The following PMFBP1 variants were observed in gnomAD, a reference collection of about 807,000 sequenced individuals.
PMFBP1 encodes the protein polyamine modulated factor 1 binding protein 1.
In PMFBP1, 131 loss-of-function variants were observed where a neutral mutation model predicts 137.8. The observed-to-expected ratio is 0.95, with a 90% CI of 0.82 to 1.10. The LOEUF (loss-of-function observed/expected upper bound fraction) is 1.10, where lower values mean the gene tolerates loss of function less well. PMFBP1 is among the 50% of genes least tolerant of loss of function. PMFBP1 has a pLI of 0.00. For synonymous variants in PMFBP1, 490 were observed against 450.4 expected (o/e 1.09, Z -1.11); for missense variants, 1,199 against 1,175.4 (o/e 1.02, Z -0.29).
intron 5 of PMFBP1, among the ~76,000 whole-genome samples, chr16:72,143,759 G>A (rs997019481): frequency 6.6e-6 from 1 of 151,114 alleles, no homozygotes; most frequent in Non-Finnish European, 1.5e-5. Context: ...AAAAAAAATT[G>A]GCCGGGTGTG....
At chr16:72,238,039 G>A in the PMFBP1 span, among the ~76,000 whole-genome samples, 1 of 152,290 alleles carries the variant, frequency 6.6e-6, no homozygotes, top group Admixed American at 6.5e-5. Context: ...TGTTTATCCA[G>A]TCTATCATTG....
downstream of PMFBP1, among the ~76,000 whole-genome samples, chr16:72,118,094 G>A (rs566758597): frequency 2.0e-5 from 3 of 152,300 alleles, no homozygotes; most frequent in South Asian, 2.1e-4. Flanking sequence ...TTTGGCCAAC[G>A]TATATGAAAT....
chr16:72,227,163 A>G, the PMFBP1 span, among the ~76,000 whole-genome samples: 2 of 152,204 alleles, frequency 1.3e-5, no homozygotes, highest in Non-Finnish European at 2.9e-5. Context: ...TCCGCATTTA[A>G]TAGGAAAAGA....
intron 14 of PMFBP1, among the ~76,000 whole-genome samples, chr16:72,126,785 T>C (rs1484082390): frequency 3.9e-5 from 6 of 152,246 alleles, no homozygotes; most frequent in Non-Finnish European, 8.8e-5. Context: ...TGAGTATTCA[T>C]GGTATAGTTA....
the PMFBP1 span, among the ~76,000 whole-genome samples, chr16:72,246,696 T>C: frequency 6.6e-6 from 1 of 152,028 alleles, no homozygotes; most frequent in African/African-American, 2.4e-5. Flanking sequence ...GCTCGCTGTA[T>C]AGGATAATGA....
At chr16:72,182,495 CA>C in the PMFBP1 span, among the ~76,000 whole-genome samples, 29,526 of 74,108 alleles carry the variant, frequency 0.4, 2,159 homozygotes, top group South Asian at 0.49. Flanking sequence ...AACTCTGCCT[CA>C]AAAAAAAAAA....
At chr16:72,223,641 A>G in the PMFBP1 span, among the ~76,000 whole-genome samples, 19,384 of 152,196 alleles carry the variant, frequency 0.13, 1,336 homozygotes, top group African/African-American at 0.18. Flanking sequence ...CACCTGCCCA[A>G]ATCATAAGTA....
chr16:72,199,890 G>A, the PMFBP1 span, among the ~76,000 whole-genome samples: 12 of 152,154 alleles, frequency 7.9e-5, no homozygotes, highest in African/African-American at 2.9e-4. Flanking sequence ...GAATTAGGAT[G>A]GGGCTGCTGG....
At chr16:72,153,401 C>T (rs534307437) in intron 4 of PMFBP1, among the ~76,000 whole-genome samples, 4 of 152,082 alleles carry the variant, frequency 2.6e-5, no homozygotes, top group South Asian at 2.1e-4. Flanking sequence ...TTTTTTTCTT[C>T]TCCGTCCTTC....
rs1170963393 is a variant in PMFBP1, at chr16:72,136,451, G to A, written c.1200C>T (p.Asp400=). The A allele has an allele frequency of 6.2e-7, 1 of 1,613,066 alleles. No homozygotes were observed. The highest frequency in any genetic ancestry group is 1.1e-5 in the South Asian group (1 of 91,026). ...TETQKLTLKK[D]KFLQEKDEML... is the part of the protein sequence containing the mutation. ...CAACCAGAGTTCCTCACTTTACCTT[G>A]TCTTTCTTCAAAGTGAGCTTTTGGG... The change falls in exon 9 of 21, where the codon GAC becomes GAT. Residue 400 remains aspartate (D), a synonymous_variant. Coordinates refer to ENST00000237353, the MANE Select transcript of PMFBP1 (RefSeq NM_031293.3).
At chr16:72,229,555 G>A in the PMFBP1 span, among the ~76,000 whole-genome samples, 1 of 151,804 alleles carries the variant, frequency 6.6e-6, no homozygotes, top group African/African-American at 2.4e-5. Flanking sequence ...ATTCTGACTG[G>A]TGTGAGATGG....
intron 2 of PMFBP1, among the ~76,000 whole-genome samples, chr16:72,165,611 G>A: frequency 6.6e-6 from 1 of 151,954 alleles, no homozygotes; most frequent in South Asian, 2.1e-4. Context: ...GTAGAGACAG[G>A]GTTTCACAGT....
intron 5 of PMFBP1, among the ~76,000 whole-genome samples, chr16:72,141,200 G>A (rs182747838): frequency 1.1e-4 from 17 of 152,236 alleles, no homozygotes; most frequent in African/African-American, 3.9e-4. Flanking sequence ...GTCTCCCAAA[G>A]TGCTGGGATT....
intron 7 of PMFBP1, 143 bp from the exon 8 acceptor site, chr16:72,136,962 G>C: frequency 9.0e-7 from 1 of 1,117,204 alleles, no homozygotes; most frequent in Non-Finnish European, 1.3e-6. Context: ...ATGGGTGTGC[G>C]GAGTGACTGC....
At chr16:72,202,388 G>A in the PMFBP1 span, among the ~76,000 whole-genome samples, 26 of 152,216 alleles carry the variant, frequency 1.7e-4, no homozygotes, top group Admixed American at 1.6e-3. Flanking sequence ...ATGTTGCCCA[G>A]GCTGGTCGTG....
the PMFBP1 span, among the ~76,000 whole-genome samples, chr16:72,194,895 A>G: frequency 6.6e-6 from 1 of 152,206 alleles, no homozygotes; most frequent in African/African-American, 2.4e-5. Context: ...TCTGGCTTAC[A>G]CTAGTTAATG....
intron 7 of PMFBP1, among the ~76,000 whole-genome samples, chr16:72,137,326 G>A (rs1202782783): frequency 1.3e-5 from 2 of 152,112 alleles, no homozygotes; most frequent in Non-Finnish European, 2.9e-5. Context: ...ACAAATCCTT[G>A]TCCCCACAGA....
In PMFBP1 at chr16:72,126,157, T is replaced by C. The variant is rs1213399365; in HGVS notation, c.2089-25A>G. On this transcript the variant is annotated intron_variant, in intron 14 of 20. Transcript: ENST00000237353. ...TCTTTAAGGAGGGAGAGCAGAACTG[T>C]CAGGGTGCCAGGTCAGGGTCATAGA... 3 of 1,611,544 alleles carry C rather than the reference T, an allele frequency of 1.9e-6. No homozygotes were observed. In the East Asian group the frequency reaches 6.7e-5, roughly 36 times the overall value.
chr16:72,227,332 G>C, the PMFBP1 span, among the ~76,000 whole-genome samples: 8 of 152,198 alleles, frequency 5.3e-5, no homozygotes, highest in South Asian at 1.7e-3. Flanking sequence ...AATGACTGAT[G>C]ACAGCAATTC....
Sources: gnomAD v4.1 joint callset for allele counts (sites outside exome capture counted in the v4.1 genomes callset) on GRCh38, gnomAD v4.1.1 for gene constraint, MANE v1.5 for transcripts, NCBI Gene and HGNC (gene_info 2026-07-23, HGNC 2026-07-21) for gene names.